Variants in MCTP2 observed in about 807,000 individuals in gnomAD.
MCTP2 encodes multiple C2 and transmembrane domain-containing protein 2.
In MCTP2, 132 loss-of-function variants were observed where a neutral mutation model predicts 111.6. The observed-to-expected ratio is 1.18, with a 90% CI of 1.03 to 1.37. MCTP2 has a LOEUF of 1.37. Ranked by LOEUF, MCTP2 falls within the 40% of genes most tolerant of loss-of-function variation. The pLI, the probability that MCTP2 is intolerant of heterozygous loss-of-function variation, is 0.00. For synonymous variants in MCTP2, 395 were observed against 387.7 expected (o/e 1.02, Z -0.22); for missense variants, 1,183 against 1,067.9 (o/e 1.11, Z -1.50).
chr15:94,386,084 C>T (rs2080453294), intron 14 of MCTP2, among the ~76,000 whole-genome samples: 1 of 151,868 alleles, frequency 6.6e-6, no homozygotes, highest in South Asian at 2.1e-4. Context: ...TTTCGCAGTC[C>T]AGCTATAAGA....
intron 17 of MCTP2, among the ~76,000 whole-genome samples, chr15:94,423,882 A>G (rs776398178): frequency 2.0e-5 from 3 of 152,236 alleles, no homozygotes; most frequent in African/African-American, 4.8e-5. Flanking sequence ...GCACACATAT[A>G]TGCAGTTTAA....
chr15:94,278,734 C>G (rs986225213), intron 1 of MCTP2, among the ~76,000 whole-genome samples: 9 of 151,714 alleles, frequency 5.9e-5, no homozygotes, highest in Non-Finnish European at 1.2e-4. Flanking sequence ...CTCCCTCTAC[C>G]CTCAAGTAGG....
At chr15:94,325,812 ATTTTTTTT>A (rs557989149) in intron 4 of MCTP2, among the ~76,000 whole-genome samples, 26 of 91,876 alleles carry the variant, frequency 2.8e-4, no homozygotes, top group East Asian at 6.1e-4. Context: ...CATCGCTCCG[ATTTTTTTT>A]TTTTTTTTTT....
At chr15:94,365,428 A>G (rs561527602) in intron 10 of MCTP2, among the ~76,000 whole-genome samples, 22 of 152,312 alleles carry the variant, frequency 1.4e-4, no homozygotes, top group African/African-American at 5.0e-4. Context: ...AAATGAGTGA[A>G]AAGCTTGTGA....
chr15:94,451,463 A>G (rs187450143), intron 19 of MCTP2, among the ~76,000 whole-genome samples: 40 of 152,350 alleles, frequency 2.6e-4, no homozygotes, highest in African/African-American at 7.0e-4. Flanking sequence ...TTTCAAATAT[A>G]GGAATCTAAA....
chr15:94,463,909 C>T (rs968139480), intron 20 of MCTP2, among the ~76,000 whole-genome samples: 2 of 151,970 alleles, frequency 1.3e-5, no homozygotes, highest in Non-Finnish European at 1.5e-5. Flanking sequence ...ACCAATCTTA[C>T]ATTCTTGGAA....
intron 3 of MCTP2, 69 bp downstream of exon 3, chr15:94,314,413 AT>A (rs965300835): frequency 2.3e-4 from 254 of 1,113,426 alleles, no homozygotes; most frequent in Admixed American, 3.7e-4. Context: ...TTGGGTTTGT[AT>A]TTTTTTTGCC....
At chr15:94,472,154 G>T (rs914934124) in intron 21 of MCTP2, among the ~76,000 whole-genome samples, 1 of 152,234 alleles carries the variant, frequency 6.6e-6, no homozygotes, top group African/African-American at 2.4e-5. Flanking sequence ...GAGGCGGGCA[G>T]ATCACCCGAG....
intron 17 of MCTP2, among the ~76,000 whole-genome samples, chr15:94,436,522 A>G (rs2083486179): frequency 1.3e-5 from 2 of 152,208 alleles, no homozygotes; most frequent in Non-Finnish European, 2.9e-5. Flanking sequence ...GTTTTAGGCT[A>G]TTTGAATGTG....
rs1478746943 is a variant in MCTP2, at chr15:94,398,966, A to T, written c.1794A>T (p.Arg598Ser). ...TTGTCTTTTGTTTGTGACAGATTAGAGATGGACAACCGAATTGTTATGTAC... is the reference window on the plus strand; with the variant it reads ...TTGTCTTTTGTTTGTGACAGATTAGTGATGGACAACCGAATTGTTATGTAC... The part of the protein sequence containing the change: ...GKVAIPLLSI[R>S]DGQPNCYVLK... Residue 598 changes from arginine (R) to serine (S), a missense_variant, in exon 15 of 23, where the codon AGA (arginine) becomes AGT (serine). Transcript: ENST00000357742. 1 of 1,538,268 alleles carries T rather than the reference A, an allele frequency of 6.5e-7. No individual in the cohort carries two copies. The highest frequency in any genetic ancestry group is 9.0e-7 in the Non-Finnish European group (1 of 1,112,536).
intron 17 of MCTP2, among the ~76,000 whole-genome samples, chr15:94,434,835 T>C (rs1407010612): frequency 6.6e-6 from 1 of 151,738 alleles, no homozygotes; most frequent in Non-Finnish European, 1.5e-5. Flanking sequence ...GCCATTTGCA[T>C]TTTCTCTTTC....
intron 20 of MCTP2, 136 bp downstream of exon 20, chr15:94,458,382 A>G (rs2152526490): frequency 1.6e-6 from 1 of 621,156 alleles, no homozygotes; most frequent in South Asian, 1.9e-5. Flanking sequence ...TTGGGTTAGC[A>G]CTGTCTGACT....
rs539532828 is a variant in MCTP2 at position 94,482,602 on chromosome 15, G to T, written c.*3568G>T. 6.6e-6 allele frequency: 1 copy of T among 152,148 alleles called. No homozygotes were observed. Among genetic ancestry groups the T allele is most frequent in the Non-Finnish European group, 1.5e-5 (1 of 68,054 alleles). The allele number at this position is 152,148 out of a possible 1,614,324, so 9.4% of individuals were successfully genotyped here. ...AGCATCCAAATAGGAATGTCAGCAAGGTAATGGAATATATAGTTCTCAGAG... is the reference window on the plus strand; with the variant it reads ...AGCATCCAAATAGGAATGTCAGCAATGTAATGGAATATATAGTTCTCAGAG... On this transcript the variant is annotated 3_prime_UTR_variant, in exon 23 of 23. Coordinates refer to ENST00000357742, the MANE Select transcript of MCTP2 (RefSeq NM_001385001.1).
intron 16 of MCTP2, among the ~76,000 whole-genome samples, chr15:94,401,558 C>G (rs2081590516): frequency 6.6e-6 from 1 of 152,150 alleles, no homozygotes; most frequent in African/African-American, 2.4e-5. Flanking sequence ...TTCTAGTTCT[C>G]TCTCTCTCTC....
At chr15:94,415,897 T>C (rs1275532690) in intron 17 of MCTP2, among the ~76,000 whole-genome samples, 1 of 152,196 alleles carries the variant, frequency 6.6e-6, no homozygotes, top group East Asian at 1.9e-4. Context: ...ACTCAGTGTT[T>C]CCTAAATGAC....
chr15:94,379,582 T>C (rs1306618043), intron 12 of MCTP2, among the ~76,000 whole-genome samples: 1 of 151,678 alleles, frequency 6.6e-6, no homozygotes, highest in East Asian at 1.9e-4. Flanking sequence ...ATGAGTAGAA[T>C]GAAATGAAAA....
At chr15:94,281,632 G>A (rs2074491628) in intron 1 of MCTP2, among the ~76,000 whole-genome samples, 1 of 152,120 alleles carries the variant, frequency 6.6e-6, no homozygotes, top group African/African-American at 2.4e-5. Context: ...AGTCTTGACT[G>A]TGCAGTTGTT....
intron 1 of MCTP2, among the ~76,000 whole-genome samples, chr15:94,290,065 T>G (rs2074962340): frequency 6.6e-6 from 1 of 151,886 alleles, no homozygotes; most frequent in Non-Finnish European, 1.5e-5. Context: ...ACTGATCAGC[T>G]AAACATGGCT....
chr15:94,326,808 T>C (rs1596364537), intron 4 of MCTP2, among the ~76,000 whole-genome samples: 8 of 39,468 alleles, frequency 2.0e-4, no homozygotes, highest in African/African-American at 3.1e-4. Context: ...CCTCAGGTGA[T>C]CCCCGCCCCA....
Sources: allele counts gnomAD v4.1 joint callset (sites outside exome capture counted in the v4.1 genomes callset), GRCh38; gene constraint gnomAD v4.1.1; transcripts MANE v1.5; gene names NCBI Gene and HGNC (gene_info 2026-07-23, HGNC 2026-07-21).